CENPS: variants seen among roughly 807,000 people sequenced by gnomAD.
CENPS encodes the protein FANCM associated histone fold protein 1.
Under a neutral mutation model 17.9 loss-of-function variants are expected in CENPS, and 16 were observed. The ratio of observed to expected loss-of-function variants is 0.90; its 90% CI spans 0.61 to 1.36. CENPS has a LOEUF of 1.36. Ranked by LOEUF, CENPS falls within the 40% of genes most tolerant of loss-of-function variation. CENPS has a pLI of 0.00. For missense variants in CENPS, 160 were observed against 158.6 expected (o/e 1.01, Z -0.05); for synonymous variants, 49 against 55.8 (o/e 0.88, Z 0.54).
At chr1:10,436,010 C>T (rs1381381847) in intron 3 of CENPS, among the ~76,000 whole-genome samples, 2 of 149,180 alleles carry the variant, frequency 1.3e-5, no homozygotes, top group African/African-American at 2.5e-5. Flanking sequence ...GACAGAGTCT[C>T]ACTCTCGCCC....
intron 3 of CENPS, among the ~76,000 whole-genome samples, chr1:10,436,724 AAAG>A (rs1248952132): frequency 7.1e-5 from 8 of 112,808 alleles, no homozygotes; most frequent in African/African-American, 1.9e-4. Flanking sequence ...AAAAAAAAGA[AAAG>A]AAAAGAAAAA....
In CENPS at chr1:10,442,332, AAAAG is replaced by A; in HGVS notation, c.347_350del (p.Lys116SerfsTer36). 1 of 1,607,954 alleles carries A rather than the reference AAAAG, an allele frequency of 6.2e-7. No individual in the cohort carries two copies. Among genetic ancestry groups the A allele is most frequent in the Non-Finnish European group, 8.5e-7 (1 of 1,178,490 alleles). On this transcript the variant is annotated frameshift_variant, in exon 5 of 5. Coordinates refer to ENST00000309048, the MANE Select transcript of CENPS (RefSeq NM_199294.3). LOFTEE classifies it low-confidence loss of function (END_TRUNC). The stretch of plus-strand genomic sequence containing the variant: ...AACCTAGAACGAAAAGCACAGAAGA[AAAAG>A]AAGTCAGAGGATGGAAGCAAAAATT...
chr1:10,435,808 C>G (rs1257195622), intron 3 of CENPS, among the ~76,000 whole-genome samples: 2 of 151,902 alleles, frequency 1.3e-5, no homozygotes, highest in Admixed American at 1.3e-4. Context: ...AACTCCTGTG[C>G]TCAAGCAATC....
intron 4 of CENPS, 26 bp from the exon 5 acceptor site, chr1:10,442,239 T>C: frequency 1.3e-6 from 2 of 1,538,552 alleles, no homozygotes; most frequent in Non-Finnish European, 1.7e-6. Flanking sequence ...TACAGCCAGA[T>C]ATAAATACAG....
At chr1:10,433,992 T>A (rs1263303589) in intron 2 of CENPS, 27 bp downstream of exon 2, 1 of 1,613,852 alleles carries the variant, frequency 6.2e-7, no homozygotes, top group South Asian at 1.1e-5. Context: ...TCCCCAGCCA[T>A]GTCTGTAAAC....
chr1:10,438,323 G>T (rs967500049), intron 3 of CENPS, among the ~76,000 whole-genome samples: 1 of 151,524 alleles, frequency 6.6e-6, no homozygotes, highest in Admixed American at 6.6e-5. Context: ...TTTTGTCGTT[G>T]TAGTAGAGAC....
rs1640026710 is a variant in CENPS at position 10,433,753 on chromosome 1, C to T, written c.52-89C>T. ...AAAGCGCCAGAGGGATTGGGCTGAG[C>T]AGACCCTCTCCTTGGTCTTCATTTT... is the stretch of plus-strand genomic sequence containing the variant. On this transcript the variant is annotated intron_variant, in intron 1 of 4. Transcript: ENST00000309048. 8 of 1,584,084 alleles carry T rather than the reference C, an allele frequency of 5.1e-6. No homozygotes were observed. In the South Asian group the frequency reaches 9.4e-5, roughly 19 times the overall value.
chr1:10,434,370 GA>G (rs1640055788), intron 2 of CENPS, among the ~76,000 whole-genome samples: 1 of 152,178 alleles, frequency 6.6e-6, no homozygotes, highest in Non-Finnish European at 1.5e-5. Flanking sequence ...AACTGTAGCA[GA>G]AGTTAAAGGA....
At chr1:10,431,838 A>AGCGAGACACC (rs1639930855) in intron 1 of CENPS, among the ~76,000 whole-genome samples, 1 of 140,168 alleles carries the variant, frequency 7.1e-6, no homozygotes, top group African/African-American at 2.7e-5. Context: ...TGGGTGACAG[A>AGCGAGACACC]GCGAGACTCC....
At chr1:10,440,923 C>G (rs1640378632) in intron 4 of CENPS, among the ~76,000 whole-genome samples, 1 of 152,190 alleles carries the variant, frequency 6.6e-6, no homozygotes, top group East Asian at 1.9e-4. Context: ...GTAGCAGAGC[C>G]AGGACAGCGG....
chr1:10,435,375 CT>C (rs888668238), intron 3 of CENPS, among the ~76,000 whole-genome samples: 3 of 152,014 alleles, frequency 2.0e-5, no homozygotes, highest in African/African-American at 7.3e-5. Flanking sequence ...TCCCACACCC[CT>C]TACTTTTCAC....
intron 1 of CENPS, 107 bp from the exon 2 acceptor site, chr1:10,433,735 C>G: frequency 6.5e-7 from 1 of 1,549,786 alleles, no homozygotes; most frequent in Non-Finnish European, 8.7e-7. Context: ...TGGAAAGCGC[C>G]AGAGGGATTG....
rs776774961 is a variant in CENPS, at chr1:10,442,442, G to T, written c.*37G>T. 6 of 1,514,706 alleles carry T rather than the reference G, an allele frequency of 4.0e-6. No individual in the cohort carries two copies. The highest frequency in any genetic ancestry group is 3.5e-6 in the Non-Finnish European group (4 of 1,140,210). The allele number at this position is 1,514,706 out of a possible 1,614,324, so 93.8% of individuals were successfully genotyped here. On this transcript the variant is annotated 3_prime_UTR_variant, in exon 5 of 5. Transcript: ENST00000309048. The stretch of plus-strand genomic sequence containing the variant: ...GCTTGGAAAGTGCAGCCTTCTACAG[G>T]TAGAGCCACCTAGAAATGCATATGG...
chr1:10,431,052 T>C, intron 1 of CENPS: 2 of 1,354,270 alleles, frequency 1.5e-6, no homozygotes, highest in Non-Finnish European at 1.9e-6. Flanking sequence ...TAGATGTGGG[T>C]TCGAATCTCT....
At chr1:10,434,160 C>G (rs918867169) in intron 2 of CENPS, among the ~76,000 whole-genome samples, 195 bp downstream of exon 2, 3 of 152,058 alleles carry the variant, frequency 2.0e-5, no homozygotes, top group Non-Finnish European at 4.4e-5. Flanking sequence ...CTATTTTTTT[C>G]CTATTACACT....
At position 10,440,391 on chromosome 1, in the gene CENPS, T is replaced by A. The variant is rs1312602360; in HGVS notation, c.254T>A (p.Leu85Ter). The change falls in exon 4 of 5, where the codon TTA becomes TAA. Residue 85 changes from leucine to a stop codon, truncating the protein, a stop_gained. Coordinates refer to ENST00000309048, the MANE Select transcript of CENPS (RefSeq NM_199294.3). LOFTEE classifies it low-confidence loss of function (END_TRUNC). ...TTINTEDVKLLARRSNSLLKY... is the reference protein window; with the variant it reads ...TTINTEDVKL Reference sequence around the variant, plus strand: ...ATTAACACTGAAGATGTGAAGCTCTTAGCCAGGAGGAGTAATTCACTGGTG... The same window carrying A: ...ATTAACACTGAAGATGTGAAGCTCTAAGCCAGGAGGAGTAATTCACTGGTG... The A allele has an allele frequency of 6.2e-7, 1 of 1,614,084 alleles. No homozygotes were observed. The highest frequency in any genetic ancestry group is 1.1e-5 in the South Asian group (1 of 91,052).
intron 1 of CENPS, among the ~76,000 whole-genome samples, chr1:10,432,914 C>CT (rs1639986326): frequency 6.6e-6 from 1 of 152,164 alleles, no homozygotes; most frequent in Non-Finnish European, 1.5e-5. Context: ...GAGGCCTCAG[C>CT]TTACCTAGTC....
At chr1:10,441,921 G>A (rs577546498) in intron 4 of CENPS, among the ~76,000 whole-genome samples, 6 of 152,080 alleles carry the variant, frequency 3.9e-5, no homozygotes, top group South Asian at 4.2e-4. Flanking sequence ...CACCGCACCC[G>A]ACCTCTGGCC....
chr1:10,441,620 C>CTT (rs34369229), intron 4 of CENPS, among the ~76,000 whole-genome samples: 10,121 of 48,510 alleles, frequency 0.21, 1,671 homozygotes, highest in South Asian at 0.31. Context: ...GGCTACAACT[C>CTT]TTTTTTTTTT....
Sources: gnomAD v4.1 joint callset for allele counts (sites outside exome capture counted in the v4.1 genomes callset) on GRCh38, gnomAD v4.1.1 for gene constraint, MANE v1.5 for transcripts, NCBI Gene and HGNC (gene_info 2026-07-23, HGNC 2026-07-21) for gene names.